Variants in HTT observed in about 807,000 individuals in gnomAD.
HTT encodes huntington disease protein.
In HTT, 104 loss-of-function variants were observed where a neutral mutation model predicts 362.3. The ratio of observed to expected loss-of-function variants is 0.29; its 90% CI spans 0.24 to 0.34. The LOEUF (loss-of-function observed/expected upper bound fraction) is 0.34. Among genes scored for constraint, HTT ranks in the 10% least tolerant of loss-of-function variants. The pLI is 1.00. For missense variants in HTT, 3,301 were observed against 3,928.6 expected, an observed-to-expected ratio of 0.84 and a Z score of 4.27; for synonymous variants, 1,577 against 1,548.7, an observed-to-expected ratio of 1.02 and a Z score of -0.43.
intron 57 of HTT, among the ~76,000 whole-genome samples, chr4:3,227,751 C>T: frequency 1.9e-5 from 1 of 53,770 alleles, no homozygotes; most frequent in Non-Finnish European, 3.9e-5. Context: ...GGCTGAAGGA[C>T]AGTGCCACCC....
Position 3,240,163 on chromosome 4 carries a change from C to A in HTT, c.*104C>A. The stretch of plus-strand genomic sequence containing the variant: ...ACCGAGCCAGCTTGGTCCCTATGGG[C>A]TTCCGCACATGCCGCGGGCGGCCAG... On this transcript the variant is annotated 3_prime_UTR_variant, in exon 67 of 67. Transcript: ENST00000355072. 2.1e-6 allele frequency: 2 copies of A among 954,408 alleles called. No individual in the cohort carries two copies. The highest frequency in any genetic ancestry group is 3.2e-6 in the Non-Finnish European group (2 of 634,306). 59.1% of individuals were successfully genotyped at this position (954,408 alleles called of 1,614,324 possible). A position where few individuals can be genotyped will look rare whatever the true frequency, so the allele number is the denominator to read the frequency against.
chr4:3,167,683 T>C (rs544419185), intron 29 of HTT, among the ~76,000 whole-genome samples: 1 of 152,348 alleles, frequency 6.6e-6, no homozygotes, highest in African/African-American at 2.4e-5. Context: ...AGTAAATTAT[T>C]AATAAGTCAC....
At chr4:3,094,721 C>T (rs1216163232) in intron 2 of HTT, among the ~76,000 whole-genome samples, 1 of 135,760 alleles carries the variant, frequency 7.4e-6, no homozygotes, top group Admixed American at 7.0e-5. Flanking sequence ...CTGCCCCCCA[C>T]CTCCCGGACG....
At chr4:3,159,774 T>C (rs1192450269) in intron 28 of HTT, among the ~76,000 whole-genome samples, 1 of 152,244 alleles carries the variant, frequency 6.6e-6, no homozygotes. Context: ...TCTGAGTCTG[T>C]AAAATAGAAT....
In HTT at chr4:3,240,408, T is replaced by G; in HGVS notation, c.*349T>G. On this transcript the variant is annotated 3_prime_UTR_variant, in exon 67 of 67. Transcript: ENST00000355072. The stretch of plus-strand genomic sequence containing the variant: ...TTGCATCTGGGCCAGAAGTCCTCCC[T>G]CCTGCAGGCTGGCTGTTGGCCCCTC... 1 of 341,584 alleles carries G rather than the reference T, an allele frequency of 2.9e-6. No individual in the cohort carries two copies. The highest frequency in any genetic ancestry group is 5.5e-6 in the Non-Finnish European group (1 of 180,804). The allele number at this position is 341,584 out of a possible 1,614,324, so 21.2% of individuals were successfully genotyped here.
At chr4:3,100,953 G>A (rs1714123237) in intron 3 of HTT, among the ~76,000 whole-genome samples, 1 of 152,218 alleles carries the variant, frequency 6.6e-6, no homozygotes, top group East Asian at 1.9e-4. Context: ...GGTCTTGAAC[G>A]CCTGGGCTCA....
chr4:3,212,415 T>C, intron 48 of HTT, 149 bp from the exon 49 acceptor site: 1 of 1,064,268 alleles, frequency 9.4e-7, no homozygotes, highest in South Asian at 1.5e-5. Context: ...CCAAACCACG[T>C]GCAGTCCTGT....
chr4:3,178,267 G>T, intron 34 of HTT, 31 bp from the exon 35 acceptor site: 1 of 1,515,474 alleles, frequency 6.6e-7, no homozygotes, highest in Admixed American at 1.8e-5. Context: ...AATTTTAAAA[G>T]AAAGGTCTAA....
chr4:3,123,325 T>A (rs888002888), intron 10 of HTT: 1 of 167,298 alleles, frequency 6.0e-6, no homozygotes, highest in African/African-American at 2.4e-5. Context: ...CATGAGCTAC[T>A]GGCCAGCTAT....
At chr4:3,092,680 C>T (rs1430355887) in intron 2 of HTT, among the ~76,000 whole-genome samples, 1 of 152,076 alleles carries the variant, frequency 6.6e-6, no homozygotes, top group East Asian at 1.9e-4. Flanking sequence ...CCACTTCTGA[C>T]CAATAGATAT....
chr4:3,111,356 G>T (rs1050218857), intron 6 of HTT, among the ~76,000 whole-genome samples: 7 of 152,048 alleles, frequency 4.6e-5, no homozygotes, highest in Non-Finnish European at 8.8e-5. Flanking sequence ...ACCATGCCCG[G>T]CTAATTTTTG....
Position 3,136,221 on chromosome 4 carries a change from T to C in HTT, c.2698-5T>C. On this transcript the variant is annotated splice_region_variant and splice_polypyrimidine_tract_variant and intron_variant, in intron 20 of 66. Coordinates refer to ENST00000355072, the MANE Select transcript of HTT (RefSeq NM_001388492.1). ...TGTTTATTTTTATTATCCTTCTCTC[T>C]AAAGCTTTTAAAACTGCAAGAACGA... 6.3e-7 allele frequency: 1 copy of C among 1,582,694 alleles called. No homozygotes were observed. Among genetic ancestry groups the C allele is most frequent in the Non-Finnish European group, 8.7e-7 (1 of 1,152,948 alleles).
chr4:3,172,810 A>G (rs1718055223), intron 30 of HTT, 98 bp from the exon 31 acceptor site: 2 of 853,382 alleles, frequency 2.3e-6, no homozygotes, highest in Middle Eastern at 2.2e-4. Flanking sequence ...CTTTGCTAAC[A>G]TATCCAGTTA....
At chr4:3,138,036 G>A (rs549600854) in intron 21 of HTT, among the ~76,000 whole-genome samples, 2 of 152,014 alleles carry the variant, frequency 1.3e-5, no homozygotes, top group African/African-American at 4.8e-5. Context: ...GGTACTTACT[G>A]TGAAACTGCT....
rs377269192 is a variant in HTT, at chr4:3,177,337, T to C, written c.4413T>C (p.Phe1471=). Reference sequence around the variant, plus strand: ...TTTTATTTTCCTTCCTGTAGGTGTTTATTGGCTTTGTATTGAAACAGTTTG... The same window carrying C: ...TTTTATTTTCCTTCCTGTAGGTGTTCATTGGCTTTGTATTGAAACAGTTTG... ...NYCLLDSDQV[F]IGFVLKQFEY... is the part of the protein sequence containing the mutation. The change falls in exon 34 of 67, where the codon TTT becomes TTC. Residue 1471 remains phenylalanine (F), a synonymous_variant. Transcript: ENST00000355072. 5 of 1,599,782 alleles carry C rather than the reference T, an allele frequency of 3.1e-6. No individual in the cohort carries two copies. Among genetic ancestry groups the C allele is most frequent in the South Asian group, 2.3e-5 (2 of 87,688 alleles).
intron 6 of HTT, among the ~76,000 whole-genome samples, 167 bp from the exon 7 acceptor site, chr4:3,115,137 T>C (rs1714952985): frequency 6.6e-6 from 1 of 152,220 alleles, no homozygotes; most frequent in African/African-American, 2.4e-5. Flanking sequence ...TAAACTGCTC[T>C]TGAGTGTCCC....
chr4:3,119,847 G>C lies in HTT; in HGVS notation c.1069-1381G>C, dbSNP rs145128197. Among the ~76,000 whole-genome samples the C allele has an allele frequency of 1.9e-3, 283 of 152,248 alleles. 3 individuals are homozygous for C. The highest frequency in any genetic ancestry group is 3.3e-3 in the Admixed American group (50 of 15,272). The stretch of plus-strand genomic sequence containing the variant: ...AGAAGTCAAAGTATAAGCTGATTAC[G>C]TAGAGCAGGTACCCAAAAATGTTTT... On this transcript the variant is annotated intron_variant, in intron 8 of 66. Coordinates refer to ENST00000355072, the MANE Select transcript of HTT (RefSeq NM_001388492.1).
rs544641315 is a variant in HTT at position 3,095,119 on chromosome 4, C to T, written c.348-4155C>T. Among the ~76,000 whole-genome samples the T allele has an allele frequency of 2.9e-4, 44 of 152,276 alleles. No individual in the cohort carries two copies. In the South Asian group the frequency reaches 6.2e-3, roughly 22 times the overall value. On this transcript the variant is annotated intron_variant, in intron 2 of 66. Coordinates refer to ENST00000355072, the MANE Select transcript of HTT (RefSeq NM_001388492.1). ...GCAGAAACGCTCCTCACTTCCTAGA[C>T]GGGGTGGCGGCTGGGCAGAGGCCGC...
Position 3,239,293 on chromosome 4 carries a change from G to A in HTT, c.9215+315G>A, listed in dbSNP as rs543350253. On this transcript the variant is annotated intron_variant, in intron 66 of 66. Coordinates refer to ENST00000355072, the MANE Select transcript of HTT (RefSeq NM_001388492.1). ...CTGCAGACGTCCCGCCCACTCGCGG[G>A]CTCTGTGTGGCTGGGCTTCTCCTGA... 6.6e-5 allele frequency among the ~76,000 whole-genome samples: 10 copies of A among 152,342 alleles called. No individual in the cohort carries two copies. The South Asian group carries it at 2.1e-3, about 32-fold the overall frequency.
Sources: gnomAD v4.1 joint callset for allele counts (sites outside exome capture counted in the v4.1 genomes callset) on GRCh38, gnomAD v4.1.1 for gene constraint, MANE v1.5 for transcripts, NCBI Gene and HGNC (gene_info 2026-07-23, HGNC 2026-07-21) for gene names.